Variants in SPATA6 observed in about 807,000 individuals in gnomAD.
SPATA6 encodes spermatogenesis-associated protein 6.
SPATA6 carries 56 observed loss-of-function variants against 65.3 expected under a neutral mutation model. The ratio of observed to expected loss-of-function variants is 0.86; its 90% CI spans 0.69 to 1.07. The LOEUF is 1.07. Ranked by LOEUF, SPATA6 falls within the 50% of genes least tolerant of loss-of-function variation. SPATA6 has a pLI of 0.00. For synonymous variants in SPATA6, 199 were observed against 213.2 expected (o/e 0.93, Z 0.58); for missense variants, 590 against 594.8 (o/e 0.99, Z 0.08).
chr1:48,267,079 A>G, the SPATA6 span, among the ~76,000 whole-genome samples: 1 of 152,012 alleles, frequency 6.6e-6, no homozygotes, highest in Non-Finnish European at 1.5e-5. Context: ...AATAATAATA[A>G]TAATAAATAT....
At chr1:48,418,531 G>A (rs112179926) in intron 3 of SPATA6, among the ~76,000 whole-genome samples, 1,500 of 80,944 alleles carry the variant, frequency 0.019, 30 homozygotes, top group African/African-American at 0.071. Context: ...AACATGGCAA[G>A]AACCCATCCC....
At chr1:48,282,129 A>T in the SPATA6 span, among the ~76,000 whole-genome samples, 2 of 152,234 alleles carry the variant, frequency 1.3e-5, no homozygotes, top group Non-Finnish European at 2.9e-5. Flanking sequence ...CTGGCTAGCC[A>T]TATGTAGAAA....
intron 3 of SPATA6, chr1:48,436,632 C>T (rs1654964752): frequency 1.2e-6 from 2 of 1,613,956 alleles, no homozygotes; most frequent in Non-Finnish European, 1.7e-6. Context: ...TGTATGATTT[C>T]CCACAGTTCA....
chr1:48,308,148 G>A (rs1477319023), intron 11 of SPATA6, among the ~76,000 whole-genome samples: 1 of 151,774 alleles, frequency 6.6e-6, no homozygotes, highest in Non-Finnish European at 1.5e-5. Context: ...TATTTTCTAT[G>A]TCTTTTTTCA....
intron 1 of SPATA6, among the ~76,000 whole-genome samples, chr1:48,460,248 G>A (rs2148183251): frequency 6.6e-6 from 1 of 152,214 alleles, no homozygotes; most frequent in African/African-American, 2.4e-5. Context: ...TTACAAGCAT[G>A]TGCCACTGCA....
At chr1:48,455,264 T>TA (rs928924102) in intron 1 of SPATA6, among the ~76,000 whole-genome samples, 8 of 152,062 alleles carry the variant, frequency 5.3e-5, no homozygotes, top group African/African-American at 9.7e-5. Context: ...TAAGACTCAG[T>TA]AAAAAAAATC....
intron 9 of SPATA6, among the ~76,000 whole-genome samples, chr1:48,362,894 T>A (rs1646859869): frequency 6.6e-6 from 1 of 152,124 alleles, no homozygotes; most frequent in South Asian, 2.1e-4. Flanking sequence ...TGTACAAGAA[T>A]CTTAAATGCT....
chr1:48,287,416 A>C, the SPATA6 span, among the ~76,000 whole-genome samples: 1 of 152,194 alleles, frequency 6.6e-6, no homozygotes, highest in Non-Finnish European at 1.5e-5. Flanking sequence ...TTATGTTTTC[A>C]TGTTTGTCCC....
At chr1:48,351,393 G>T (rs559947612) in intron 11 of SPATA6, among the ~76,000 whole-genome samples, 1 of 151,828 alleles carries the variant, frequency 6.6e-6, no homozygotes, top group African/African-American at 2.4e-5. Flanking sequence ...CTTTGTTTCC[G>T]AACTTTGAGA....
intron 6 of SPATA6, 109 bp downstream of exon 6, chr1:48,403,693 C>A: frequency 1.3e-6 from 1 of 771,126 alleles, no homozygotes; most frequent in Non-Finnish European, 2.0e-6. Context: ...AAAATTGACC[C>A]CCCAAAAAGT....
At chr1:48,424,851 A>G (rs1243133163) in intron 3 of SPATA6, among the ~76,000 whole-genome samples, 1 of 152,104 alleles carries the variant, frequency 6.6e-6, no homozygotes, top group Non-Finnish European at 1.5e-5. Flanking sequence ...ATATTTTCCT[A>G]TAGAGTTGTT....
At chr1:48,366,150 G>T (rs1358777706) in intron 9 of SPATA6, among the ~76,000 whole-genome samples, 2 of 152,174 alleles carry the variant, frequency 1.3e-5, no homozygotes, top group Non-Finnish European at 2.9e-5. Context: ...AAGCCCACTT[G>T]ATCATGGTGG....
the SPATA6 span, among the ~76,000 whole-genome samples, chr1:48,283,834 C>A: frequency 6.6e-6 from 1 of 151,868 alleles, no homozygotes; most frequent in East Asian, 1.9e-4. Context: ...GTGGGTAACC[C>A]GACCTTTCTC....
chr1:48,369,541 G>A (rs1357779271), intron 9 of SPATA6, among the ~76,000 whole-genome samples: 1 of 152,228 alleles, frequency 6.6e-6, no homozygotes, highest in Non-Finnish European at 1.5e-5. Context: ...TGCTGTGCTA[G>A]CAATCAGCGA....
At chr1:48,328,151 T>C (rs1645817512) in intron 11 of SPATA6, among the ~76,000 whole-genome samples, 1 of 152,022 alleles carries the variant, frequency 6.6e-6, no homozygotes, top group African/African-American at 2.4e-5. Context: ...AAGACACCAC[T>C]TCATGCACAC....
intron 9 of SPATA6, among the ~76,000 whole-genome samples, chr1:48,374,657 G>A (rs1413352017): frequency 6.6e-6 from 1 of 152,170 alleles, no homozygotes; most frequent in Non-Finnish European, 1.5e-5. Flanking sequence ...AACAGATTCT[G>A]AATCCTGGCA....
chr1:48,316,411 T>C (rs568271413), intron 11 of SPATA6, among the ~76,000 whole-genome samples: 18 of 152,014 alleles, frequency 1.2e-4, no homozygotes, highest in African/African-American at 4.3e-4. Context: ...TTGACAAACG[T>C]GACAAAAACA....
intron 3 of SPATA6, among the ~76,000 whole-genome samples, chr1:48,450,853 T>C (rs1656500432): frequency 6.6e-6 from 1 of 152,182 alleles, no homozygotes; most frequent in Admixed American, 6.5e-5. Context: ...TTAATAATGA[T>C]TATGCTCAAT....
chr1:48,322,741 C>A (rs1645634359), intron 11 of SPATA6, among the ~76,000 whole-genome samples: 1 of 152,062 alleles, frequency 6.6e-6, no homozygotes, highest in African/African-American at 2.4e-5. Context: ...ACAAACAACC[C>A]CATCAAAAAA....
Sources: gnomAD v4.1 joint callset for allele counts (sites outside exome capture counted in the v4.1 genomes callset) on GRCh38, gnomAD v4.1.1 for gene constraint, MANE v1.5 for transcripts, NCBI Gene and HGNC (gene_info 2026-07-23, HGNC 2026-07-21) for gene names.